FBXW11: variants seen among roughly 807,000 people sequenced by gnomAD.
FBXW11 encodes F-box/WD repeat-containing protein 11.
FBXW11 carries 19 observed loss-of-function variants against 77.6 expected under a neutral mutation model. The observed-to-expected ratio is 0.24, with a 90% CI of 0.17 to 0.36. The LOEUF (loss-of-function observed/expected upper bound fraction) is 0.36, where lower values mean the gene tolerates loss of function less well. FBXW11 is among the 10% of genes least tolerant of loss of function. The pLI is 1.00. For missense variants in FBXW11, 334 were observed against 704.2 expected, an observed-to-expected ratio of 0.47 and a Z score of 5.95; for synonymous variants, 235 against 249.4, an observed-to-expected ratio of 0.94 and a Z score of 0.54.
intron 1 of FBXW11, among the ~76,000 whole-genome samples, chr5:171,981,785 A>C (rs1765159880): frequency 6.6e-6 from 1 of 152,256 alleles, no homozygotes; most frequent in Admixed American, 6.5e-5. Context: ...CAAACGCAGG[A>C]AACAGCCTAA....
intron 2 of FBXW11, among the ~76,000 whole-genome samples, chr5:171,957,241 A>G (rs983923338): frequency 1.8e-4 from 27 of 152,354 alleles, no homozygotes; most frequent in African/African-American, 6.3e-4. Context: ...TTTAATTATG[A>G]AACCCTCCCA....
intron 2 of FBXW11, among the ~76,000 whole-genome samples, chr5:171,944,976 C>A (rs770611921): frequency 9.8e-5 from 15 of 152,292 alleles, no homozygotes; most frequent in Non-Finnish European, 1.6e-4. Flanking sequence ...TGAGCACCTA[C>A]TACCTGCTGG....
intron 10 of FBXW11, among the ~76,000 whole-genome samples, chr5:171,872,061 A>T (rs1233046476): frequency 1.3e-5 from 2 of 152,208 alleles, no homozygotes; most frequent in African/African-American, 4.8e-5. Flanking sequence ...AAGCAAACTT[A>T]AATAGCTTTT....
intron 7 of FBXW11, among the ~76,000 whole-genome samples, chr5:171,891,058 A>G (rs887345801): frequency 5.9e-5 from 9 of 152,196 alleles, no homozygotes; most frequent in African/African-American, 1.7e-4. Flanking sequence ...TTTATCTACT[A>G]CTGAAAAGTT....
intron 2 of FBXW11, among the ~76,000 whole-genome samples, chr5:171,952,337 A>C (rs1437849303): frequency 2.1e-5 from 3 of 144,392 alleles, no homozygotes; most frequent in African/African-American, 5.1e-5. Context: ...ATTTTCTTAT[A>C]AAGAGGAAAG....
chr5:171,979,651 G>T (rs114592194), intron 1 of FBXW11, among the ~76,000 whole-genome samples: 1 of 152,036 alleles, frequency 6.6e-6, no homozygotes, highest in Admixed American at 6.6e-5. Context: ...GATCCCTACC[G>T]CAACCATAAA....
intron 2 of FBXW11, among the ~76,000 whole-genome samples, chr5:171,956,464 G>A (rs972367595): frequency 3.9e-5 from 6 of 152,142 alleles, no homozygotes; most frequent in African/African-American, 1.4e-4. Flanking sequence ...GTGTTAGTGA[G>A]GTTCCAGTAC....
chr5:171,871,312 A>G (rs1385771844), intron 10 of FBXW11, among the ~76,000 whole-genome samples: 1 of 152,174 alleles, frequency 6.6e-6, no homozygotes, highest in Non-Finnish European at 1.5e-5. Flanking sequence ...GTGGGAAAGG[A>G]GATATCACGT....
At chr5:171,912,324 C>G (rs1354870963) in intron 3 of FBXW11, among the ~76,000 whole-genome samples, 2 of 152,124 alleles carry the variant, frequency 1.3e-5, no homozygotes, top group Admixed American at 1.3e-4. Context: ...ACACCAGGTA[C>G]CACCAGGGGG....
rs1483565963 is a variant in FBXW11 at position 171,913,810 on chromosome 5, CACACACAT to C, written c.210+525_210+532del. Among the ~76,000 whole-genome samples the C allele has an allele frequency of 2.5e-3, 327 of 133,416 alleles. 4 individuals carry two copies. Among genetic ancestry groups the C allele is most frequent in the Admixed American group, 5.0e-3 (64 of 12,914 alleles). 87.5% of individuals were successfully genotyped at this position (133,416 alleles called of 152,430 possible). On this transcript the variant is annotated intron_variant, in intron 3 of 13. Transcript: ENST00000517395. ...TGCTTGCTCCCCAAACCCCCAACCA[CACACACAT>C]ACACACACACACACACACACACACA...
chr5:171,951,566 A>AT (rs11413073), intron 2 of FBXW11, among the ~76,000 whole-genome samples: 120,133 of 150,242 alleles, frequency 0.8, 50,979 homozygotes, highest in East Asian at 0.97. Context: ...AAAAGTGGCT[A>AT]TTTTTTTTTG....
At chr5:171,882,751 G>A (rs1447358065) in intron 7 of FBXW11, among the ~76,000 whole-genome samples, 1 of 151,692 alleles carries the variant, frequency 6.6e-6, no homozygotes, top group Non-Finnish European at 1.5e-5. Flanking sequence ...TGGTATGATT[G>A]GACATTGTAT....
chr5:171,935,791 AT>A (rs1762444755), intron 2 of FBXW11, among the ~76,000 whole-genome samples: 2 of 152,126 alleles, frequency 1.3e-5, no homozygotes, highest in African/African-American at 2.4e-5. Flanking sequence ...AATGGTAAAC[AT>A]TTAAAACAAT....
chr5:171,898,397 A>T (rs1759892656), intron 6 of FBXW11, among the ~76,000 whole-genome samples: 1 of 152,198 alleles, frequency 6.6e-6, no homozygotes, highest in Non-Finnish European at 1.5e-5. Context: ...TGGTTCAAGG[A>T]AAAAGGCTAA....
intron 7 of FBXW11, among the ~76,000 whole-genome samples, chr5:171,890,223 A>G (rs1182451310): frequency 6.6e-6 from 1 of 152,104 alleles, no homozygotes; most frequent in Non-Finnish European, 1.5e-5. Flanking sequence ...GCTGACAAGG[A>G]TACAGAACAA....
intron 2 of FBXW11, among the ~76,000 whole-genome samples, chr5:171,952,025 AT>A (rs1227254757): frequency 6.6e-6 from 1 of 152,180 alleles, no homozygotes; most frequent in Non-Finnish European, 1.5e-5. Context: ...TAAGAGCCCC[AT>A]TAAGTAGAAT....
rs7709895 is a variant in FBXW11 at position 172,003,846 on chromosome 5, T to C, written c.45+2612A>G. ...AGGGATGAAGATTAGAAAATGGAGA[T>C]AACCAAGAAGTCTGTTTCCTCTTTT... On this transcript the variant is annotated intron_variant, in intron 1 of 13. Coordinates refer to ENST00000517395, the MANE Select transcript of FBXW11 (RefSeq NM_001378974.1). 5.3e-3 allele frequency among the ~76,000 whole-genome samples: 800 copies of C among 152,330 alleles called. 4 individuals carry two copies. Among genetic ancestry groups the C allele is most frequent in the African/African-American group, 0.015 (639 of 41,566 alleles).
chr5:171,948,282 TA>T (rs1186931799), intron 2 of FBXW11, among the ~76,000 whole-genome samples: 1 of 136,984 alleles, frequency 7.3e-6, no homozygotes, highest in Non-Finnish European at 1.6e-5. Context: ...GTATGGAGTA[TA>T]AACCTATATA....
chr5:171,996,906 A>T, intron 1 of FBXW11: 1 of 1,286,554 alleles, frequency 7.8e-7, no homozygotes, highest in Non-Finnish European at 1.0e-6. Flanking sequence ...AATATTTTGT[A>T]CTTCAGATCC....
Sources: gnomAD v4.1 joint callset for allele counts (sites outside exome capture counted in the v4.1 genomes callset) on GRCh38, gnomAD v4.1.1 for gene constraint, MANE v1.5 for transcripts, NCBI Gene and HGNC (gene_info 2026-07-23, HGNC 2026-07-21) for gene names.